CSMD1: variants seen among roughly 807,000 people sequenced by gnomAD.
CSMD1 encodes CUB and Sushi multiple domains 1.
CSMD1 carries 213 observed loss-of-function variants against 417.5 expected under a neutral mutation model. The ratio of observed to expected loss-of-function variants is 0.51; its 90% confidence interval spans 0.46 to 0.57. CSMD1 has a LOEUF of 0.57. Among genes scored for constraint, CSMD1 ranks in the 20% least tolerant of loss-of-function variants. The pLI is 0.00. For synonymous variants in CSMD1, 2,862 were observed against 1,736.8 expected (o/e 1.65, Z -16.11); for missense variants, 6,923 against 4,529.7 (o/e 1.53, Z -15.17).
intron 1 of CSMD1, among the ~76,000 whole-genome samples, chr8:4,853,527 T>C (rs1801607889): frequency 6.6e-6 from 1 of 152,172 alleles, no homozygotes; most frequent in Non-Finnish European, 1.5e-5. Context: ...TTTCAGAAGA[T>C]GTATCAGAAA....
intron 7 of CSMD1, among the ~76,000 whole-genome samples, chr8:3,703,968 G>A (rs1796343454): frequency 6.6e-6 from 1 of 152,144 alleles, no homozygotes; most frequent in South Asian, 2.1e-4. Context: ...CTATTTGGGA[G>A]GCTGAGACAG....
rs151194526 is a variant in CSMD1, at chr8:4,398,537, G to A, written c.415+21416C>T. Reference sequence around the variant, plus strand: ...GCCTCCCGAGTAGGTGGGACTACAGGCGCCCGCCACCATGCCCGGCCAAAT... The same window carrying A: ...GCCTCCCGAGTAGGTGGGACTACAGACGCCCGCCACCATGCCCGGCCAAAT... On this transcript the variant is annotated intron_variant, in intron 3 of 69. Transcript: ENST00000635120. Among the ~76,000 whole-genome samples the A allele has an allele frequency of 3.2e-3, 485 of 151,814 alleles. 20 individuals are homozygous for A. The East Asian group carries it at 0.083, about 26-fold the overall frequency.
At chr8:4,850,540 C>A (rs182555932) in intron 1 of CSMD1, among the ~76,000 whole-genome samples, 12 of 152,146 alleles carry the variant, frequency 7.9e-5, no homozygotes, top group Admixed American at 7.9e-4. Flanking sequence ...CTTTGCACCA[C>A]TCCTCCCCCA....
chr8:4,440,369 A>G (rs1034616975), intron 2 of CSMD1, among the ~76,000 whole-genome samples: 2 of 152,326 alleles, frequency 1.3e-5, no homozygotes, highest in Non-Finnish European at 1.5e-5. Flanking sequence ...ATGCAATTAT[A>G]CAATGAATAA....
Position 4,121,120 on chromosome 8 carries a change from T to TTTATTG in CSMD1, c.416-89022_416-89021insCAATAA, listed in dbSNP as rs200977313. 6.0e-3 allele frequency among the ~76,000 whole-genome samples: 909 copies of TTTATTG among 152,008 alleles called. 8 individuals are homozygous for TTTATTG. Among genetic ancestry groups the TTTATTG allele is most frequent in the African/African-American group, 0.02 (838 of 41,516 alleles). The stretch of plus-strand genomic sequence containing the variant: ...TTTTTTATTTATTTTTATTTTTATT[T>TTTATTG]ATTATTTATTTTTGGGCAGAGTCTC... On this transcript the variant is annotated intron_variant, in intron 3 of 69. Coordinates refer to ENST00000635120, the MANE Select transcript of CSMD1 (RefSeq NM_033225.6).
intron 26 of CSMD1, among the ~76,000 whole-genome samples, chr8:3,269,484 T>A (rs374521330): frequency 1.3e-5 from 2 of 152,208 alleles, no homozygotes; most frequent in South Asian, 4.1e-4. Context: ...CAACAAATGA[T>A]GTTTTAAAAT....
intron 10 of CSMD1, among the ~76,000 whole-genome samples, chr8:3,554,620 A>G (rs1436277517): frequency 6.6e-6 from 1 of 152,226 alleles, no homozygotes; most frequent in African/African-American, 2.4e-5. Flanking sequence ...AGAGGATCTG[A>G]GCAGGTGGGA....
At chr8:4,967,938 A>G (rs886478613) in intron 1 of CSMD1, among the ~76,000 whole-genome samples, 2 of 152,266 alleles carry the variant, frequency 1.3e-5, no homozygotes, top group Middle Eastern at 3.4e-3. Flanking sequence ...ATGATTGAAA[A>G]TGATGTATTT....
intron 3 of CSMD1, among the ~76,000 whole-genome samples, chr8:4,163,323 G>T (rs544722794): frequency 5.3e-5 from 8 of 152,162 alleles, no homozygotes; most frequent in African/African-American, 1.7e-4. Flanking sequence ...GTCTTCCAAA[G>T]TGGCTGTTCC....
chr8:3,394,306 A>T (rs1337713327), intron 17 of CSMD1, among the ~76,000 whole-genome samples: 1 of 148,938 alleles, frequency 6.7e-6, no homozygotes, highest in Non-Finnish European at 1.5e-5. Flanking sequence ...TTATTATAAT[A>T]TTAGTGAGGA....
intron 26 of CSMD1, among the ~76,000 whole-genome samples, chr8:3,244,838 G>T (rs1027254928): frequency 6.6e-6 from 1 of 152,212 alleles, no homozygotes; most frequent in Non-Finnish European, 1.5e-5. Flanking sequence ...CTTCAGCAGG[G>T]ACACTGCTTG....
chr8:3,515,858 G>T (rs557554019), intron 10 of CSMD1, among the ~76,000 whole-genome samples: 3 of 152,208 alleles, frequency 2.0e-5, no homozygotes, highest in African/African-American at 7.2e-5. Flanking sequence ...GGACTTCAGC[G>T]TGGGGAAAAT....
intron 1 of CSMD1, among the ~76,000 whole-genome samples, chr8:4,895,616 G>T (rs925546399): frequency 6.6e-6 from 1 of 151,754 alleles, no homozygotes; most frequent in African/African-American, 2.4e-5. Flanking sequence ...TTTATGATAT[G>T]ACTTTCCTAC....
At chr8:4,975,523 T>C (rs1810500257) in intron 1 of CSMD1, among the ~76,000 whole-genome samples, 1 of 152,158 alleles carries the variant, frequency 6.6e-6, no homozygotes, top group Admixed American at 6.5e-5. Flanking sequence ...AAATCACTTA[T>C]TTTTCAGATG....
chr8:3,598,751 G>A (rs558289706), intron 8 of CSMD1, among the ~76,000 whole-genome samples: 14 of 152,046 alleles, frequency 9.2e-5, no homozygotes, highest in South Asian at 2.1e-4. Context: ...ATTTCCCCCC[G>A]CCCCTTCTTT....
intron 1 of CSMD1, among the ~76,000 whole-genome samples, chr8:4,770,897 G>T (rs937139313): frequency 3.3e-5 from 5 of 152,076 alleles, no homozygotes; most frequent in African/African-American, 4.8e-5. Flanking sequence ...TGGCCTTGAC[G>T]ATGATTTCCC....
intron 2 of CSMD1, among the ~76,000 whole-genome samples, chr8:4,542,446 C>G (rs1014263901): frequency 2.0e-5 from 3 of 152,136 alleles, no homozygotes; most frequent in Non-Finnish European, 4.4e-5. Context: ...GAACACAGTT[C>G]TGAGAACAAT....
intron 10 of CSMD1, among the ~76,000 whole-genome samples, chr8:3,572,949 G>C (rs1296168334): frequency 6.6e-6 from 1 of 152,046 alleles, no homozygotes; most frequent in Admixed American, 6.5e-5. Flanking sequence ...TTATTTAAAA[G>C]TGTGTAAATG....
At chr8:3,726,593 C>T (rs1212422348) in intron 6 of CSMD1, among the ~76,000 whole-genome samples, 2 of 152,154 alleles carry the variant, frequency 1.3e-5, no homozygotes, top group Non-Finnish European at 2.9e-5. Flanking sequence ...TCTGGATATT[C>T]ATGTGAAGTT....
Sources: allele counts gnomAD v4.1 joint callset (sites outside exome capture counted in the v4.1 genomes callset), GRCh38; gene constraint gnomAD v4.1.1; transcripts MANE v1.5; gene names NCBI Gene and HGNC (gene_info 2026-07-23, HGNC 2026-07-21).